TGM4: variants seen among roughly 807,000 people sequenced by gnomAD.
TGM4 encodes the protein transglutaminase 4, also known as protein-glutamine gamma-glutamyltransferase 4.
TGM4 carries 61 observed loss-of-function variants against 76.3 expected under a neutral mutation model. The observed-to-expected ratio is 0.80, with a 90% CI of 0.65 to 0.99. TGM4 has a LOEUF of 0.99. Among genes scored for constraint, TGM4 ranks in the 50% least tolerant of loss-of-function variants. The pLI is 0.00. For synonymous variants in TGM4, 337 were observed against 329.8 expected, an observed-to-expected ratio of 1.02 and a Z score of -0.24; for missense variants, 794 against 843.2, an observed-to-expected ratio of 0.94 and a Z score of 0.72.
intron 1 of TGM4, among the ~76,000 whole-genome samples, chr3:44,879,257 CTCTCTCTCTA>C (rs1255058722): frequency 2.7e-4 from 27 of 100,468 alleles, no homozygotes; most frequent in South Asian, 1.5e-3. Flanking sequence ...CTCTCTCTCT[CTCTCTCTCTA>C]TATATATATA....
At chr3:44,907,832 G>A (rs141579126) in intron 10 of TGM4, among the ~76,000 whole-genome samples, 5 of 152,220 alleles carry the variant, frequency 3.3e-5, no homozygotes, top group African/African-American at 1.2e-4. Context: ...TATTTCCCCT[G>A]TGGCCCATTG....
intron 6 of TGM4, among the ~76,000 whole-genome samples, 184 bp downstream of exon 6, chr3:44,897,000 CTTT>C (rs59154155): frequency 0.011 from 1,117 of 104,372 alleles, 9 homozygotes; most frequent in East Asian, 0.051. Context: ...GTTTTCTTTT[CTTT>C]TTTTTTTTTT....
intron 3 of TGM4, chr3:44,888,656 T>G (rs1457651022): frequency 1.3e-5 from 2 of 152,200 alleles, no homozygotes; most frequent in African/African-American, 4.8e-5. Context: ...AAGTGTTATT[T>G]TTAATTTTTT....
At chr3:44,913,295 C>T (rs1311738914) in intron 13 of TGM4, among the ~76,000 whole-genome samples, 1 of 152,184 alleles carries the variant, frequency 6.6e-6, no homozygotes, top group African/African-American at 2.4e-5. Flanking sequence ...ACTCATGAAA[C>T]AAGAACATCT....
intron 2 of TGM4, among the ~76,000 whole-genome samples, chr3:44,886,875 C>T (rs567581754): frequency 6.6e-6 from 1 of 152,352 alleles, no homozygotes; most frequent in African/African-American, 2.4e-5. Context: ...ACAAGAGGCT[C>T]CTCCAGCAAG....
chr3:44,877,335 C>T (rs1459033683), intron 1 of TGM4, among the ~76,000 whole-genome samples: 1 of 152,090 alleles, frequency 6.6e-6, no homozygotes, highest in Non-Finnish European at 1.5e-5. Flanking sequence ...GTAATCCCAG[C>T]TACTTGGGTG....
At chr3:44,908,392 T>G (rs1160459299) in intron 10 of TGM4, among the ~76,000 whole-genome samples, 1 of 151,550 alleles carries the variant, frequency 6.6e-6, no homozygotes, top group African/African-American at 2.4e-5. Flanking sequence ...TTGTTTTTGT[T>G]TTTTTTGTTT....
At chr3:44,877,625 A>G (rs1290332990) in intron 1 of TGM4, among the ~76,000 whole-genome samples, 1 of 152,084 alleles carries the variant, frequency 6.6e-6, no homozygotes, top group Non-Finnish European at 1.5e-5. Context: ...AAAGCAAAAC[A>G]GCAATGAGAT....
chr3:44,890,472 C>T, intron 3 of TGM4, 131 bp from the exon 4 acceptor site: 2 of 1,340,144 alleles, frequency 1.5e-6, no homozygotes, highest in Non-Finnish European at 2.1e-6. Flanking sequence ...GGGTCCTGAC[C>T]ATTCCTTGTC....
chr3:44,885,239 A>C, intron 1 of TGM4, 86 bp from the exon 2 acceptor site: 9 of 1,391,628 alleles, frequency 6.5e-6, no homozygotes, highest in Non-Finnish European at 6.8e-6. Context: ...ACCTCAATGC[A>C]CTCTCAGATT....
At chr3:44,903,720 A>G in intron 8 of TGM4, 164 bp from the exon 9 acceptor site, 2 of 662,694 alleles carry the variant, frequency 3.0e-6, no homozygotes, top group Non-Finnish European at 2.7e-6. Flanking sequence ...GGTGGGACTC[A>G]CCGGTGGCCC....
intron 13 of TGM4, among the ~76,000 whole-genome samples, chr3:44,913,174 A>T (rs1373117763): frequency 6.6e-6 from 1 of 152,256 alleles, no homozygotes; most frequent in Non-Finnish European, 1.5e-5. Flanking sequence ...AGTATTGCGA[A>T]GCCCCAGAAC....
rs756089160 is a variant in TGM4, at chr3:44,901,779, C to T, written c.833-14C>T. On this transcript the variant is annotated splice_polypyrimidine_tract_variant and intron_variant, in intron 7 of 13. Coordinates refer to ENST00000296125, the MANE Select transcript of TGM4 (RefSeq NM_003241.4). ...CCCCACAGTTGCCAACCACCCCACCCTGGATCATTTCAGTGCTGAGAGCGT... is the reference window on the plus strand; with the variant it reads ...CCCCACAGTTGCCAACCACCCCACCTTGGATCATTTCAGTGCTGAGAGCGT... 1.5e-5 allele frequency: 25 copies of T among 1,614,002 alleles called. No homozygotes were observed. The highest frequency in any genetic ancestry group is 1.9e-5 in the Non-Finnish European group (23 of 1,179,930).
intron 10 of TGM4, among the ~76,000 whole-genome samples, chr3:44,908,790 G>A (rs1384273509): frequency 6.6e-6 from 1 of 151,860 alleles, no homozygotes; most frequent in Non-Finnish European, 1.5e-5. Context: ...TGTCTAGTAG[G>A]TTCAATGTCA....
chr3:44,910,464 T>A lies in TGM4; in HGVS notation c.1606+96T>A. 7.0e-6 allele frequency: 10 copies of A among 1,431,224 alleles called. 1 individual carries two copies. The highest frequency in any genetic ancestry group is 9.4e-6 in the Non-Finnish European group (10 of 1,066,620). 88.7% of individuals were successfully genotyped at this position (1,431,224 alleles called of 1,614,324 possible). A position where few individuals can be genotyped will look rare whatever the true frequency, so the allele number is the denominator to read the frequency against. On this transcript the variant is annotated intron_variant, in intron 11 of 13. Coordinates refer to ENST00000296125, the MANE Select transcript of TGM4 (RefSeq NM_003241.4). Reference sequence around the variant, plus strand: ...TCTGTGGACAACTTCCATACATTGATAAATTTTTGTGTGTGAGTTAACACA... The same window carrying A: ...TCTGTGGACAACTTCCATACATTGAAAAATTTTTGTGTGTGAGTTAACACA...
At position 44,901,701 on chromosome 3, in the gene TGM4, A is replaced by G; in HGVS notation, c.832+3A>G. ...GTTTGCTGGGATCCTGACTACAGGT[A>G]AGTGGCAGATCCAGGGGCTGAGGGG... On this transcript the variant is annotated splice_donor_region_variant and intron_variant, in intron 7 of 13. Coordinates refer to ENST00000296125, the MANE Select transcript of TGM4 (RefSeq NM_003241.4). 1.2e-6 allele frequency: 2 copies of G among 1,613,400 alleles called. No homozygotes were observed. Among genetic ancestry groups the G allele is most frequent in the Non-Finnish European group, 1.7e-6 (2 of 1,179,442 alleles).
intron 3 of TGM4, 33 bp from the exon 4 acceptor site, chr3:44,890,570 G>A (rs1699677912): frequency 6.2e-7 from 1 of 1,610,552 alleles, no homozygotes; most frequent in Non-Finnish European, 8.5e-7. Flanking sequence ...GGCCAGAGGG[G>A]GAGATGTCCA....
At chr3:44,879,285 A>ATG (rs1204679513) in intron 1 of TGM4, among the ~76,000 whole-genome samples, 1 of 128,742 alleles carries the variant, frequency 7.8e-6, no homozygotes, top group Non-Finnish European at 1.7e-5. Flanking sequence ...ATATATATAT[A>ATG]TAGTTTATTT....
chr3:44,909,994 T>C (rs1442320144), intron 10 of TGM4, 96 bp from the exon 11 acceptor site: 1 of 1,441,124 alleles, frequency 6.9e-7, no homozygotes, highest in Non-Finnish European at 9.4e-7. Context: ...TCTGGAGTCC[T>C]GGCCAGGCAG....
Sources: allele counts gnomAD v4.1 joint callset (sites outside exome capture counted in the v4.1 genomes callset), GRCh38; gene constraint gnomAD v4.1.1; transcripts MANE v1.5; gene names NCBI Gene and HGNC (gene_info 2026-07-23, HGNC 2026-07-21).